The following SLC2A1 variants were observed in gnomAD, a reference collection of about 807,000 sequenced individuals.
The protein encoded by SLC2A1 is solute carrier family 2 member 1, also known as solute carrier family 2, facilitated glucose transporter member 1.
SLC2A1 carries 4 observed loss-of-function variants against 46.6 expected under a neutral mutation model. The observed-to-expected ratio is 0.09, with a 90% confidence interval of 0.04 to 0.20. SLC2A1 has a LOEUF of 0.20. Ranked by LOEUF, SLC2A1 falls within the 10% of genes least tolerant of loss-of-function variation. SLC2A1 has a pLI of 1.00. For synonymous variants in SLC2A1, 253 were observed against 270.0 expected (o/e 0.94, Z 0.62); for missense variants, 352 against 667.0 (o/e 0.53, Z 5.20).
intron 2 of SLC2A1, among the ~76,000 whole-genome samples, chr1:42,940,831 T>G (rs1040642990): frequency 2.0e-5 from 3 of 152,098 alleles, no homozygotes; most frequent in Admixed American, 6.5e-5. Flanking sequence ...TTCTCAACTT[T>G]TCTCCAGCCT....
In SLC2A1 at chr1:42,930,976, C is replaced by T; in HGVS notation, c.275+70G>A. The T allele has an allele frequency of 6.2e-7, 1 of 1,609,674 alleles. No individual in the cohort carries two copies. The highest frequency in any genetic ancestry group is 8.5e-7 in the Non-Finnish European group (1 of 1,177,940). ...CAGATAAGTCTCCCCTACCTCCCAC[C>T]CCATCTGGGACTCCCTGGGCAGGAG... On this transcript the variant is annotated intron_variant, in intron 3 of 9. Transcript: ENST00000426263. The surrounding 1 kb of genome is among the most constrained non-coding windows in gnomAD (Gnocchi z 6.2).
At chr1:42,950,407 C>G (rs1416327843) in intron 1 of SLC2A1, among the ~76,000 whole-genome samples, 1 of 152,242 alleles carries the variant, frequency 6.6e-6, no homozygotes, top group Non-Finnish European at 1.5e-5. Flanking sequence ...GCCTTCCAGG[C>G]AAAACCACAT....
chr1:42,943,848 C>T (rs540846298), intron 1 of SLC2A1, among the ~76,000 whole-genome samples: 2 of 152,342 alleles, frequency 1.3e-5, no homozygotes, highest in Admixed American at 1.3e-4. Flanking sequence ...TACCACCTCT[C>T]CCCTATCCTC....
Position 42,930,438 on chromosome 1 carries a change from C to A in SLC2A1, c.516+188G>T. The A allele has an allele frequency of 3.7e-6, 3 of 813,958 alleles. No individual in the cohort carries two copies. Among genetic ancestry groups the A allele is most frequent in the Non-Finnish European group, 6.3e-6 (3 of 475,450 alleles). 50.4% of individuals were successfully genotyped at this position (813,958 alleles called of 1,614,324 possible). A position where few individuals can be genotyped will look rare whatever the true frequency, so the allele number is the denominator to read the frequency against. On this transcript the variant is annotated intron_variant, in intron 4 of 9. Transcript: ENST00000426263. The surrounding 1 kb of genome is among the most constrained non-coding windows in gnomAD (Gnocchi z 6.2). ...TGAGAAGAAAGGGACTGAGAAGAGTCAAGTCATCTTGCTGTCAACTGGGAG... is the reference window on the plus strand; with the variant it reads ...TGAGAAGAAAGGGACTGAGAAGAGTAAAGTCATCTTGCTGTCAACTGGGAG...
At chr1:42,952,319 G>T (rs1257460143) in intron 1 of SLC2A1, 1 of 462,270 alleles carries the variant, frequency 2.2e-6, no homozygotes, top group African/African-American at 2.0e-5. Flanking sequence ...CCCCCACAGT[G>T]CTGATGACAT....
intron 2 of SLC2A1, among the ~76,000 whole-genome samples, chr1:42,940,244 G>A (rs947333264): frequency 1.4e-4 from 22 of 152,224 alleles, no homozygotes; most frequent in African/African-American, 4.3e-4. Context: ...TCACCCAATC[G>A]TAGTGAGGCT....
intron 1 of SLC2A1, among the ~76,000 whole-genome samples, chr1:42,953,481 C>T (rs778114105): frequency 3.3e-5 from 5 of 152,234 alleles, no homozygotes; most frequent in Non-Finnish European, 7.3e-5. Flanking sequence ...TGAATCTGGT[C>T]AGGAGGCCTC....
chr1:42,931,985 G>C (rs927778796), intron 2 of SLC2A1, among the ~76,000 whole-genome samples: 3 of 152,174 alleles, frequency 2.0e-5, no homozygotes, highest in Non-Finnish European at 2.9e-5. Context: ...TGACAGACAG[G>C]TTCCGCCATC....
In SLC2A1 at chr1:42,928,817, G is replaced by A. The variant is rs559748683; in HGVS notation, c.1074+115C>T. 3.9e-4 allele frequency: 349 copies of A among 894,500 alleles called. 7 individuals carry two copies. The South Asian group carries it at 4.5e-3, about 12-fold the overall frequency. The allele number at this position is 894,500 out of a possible 1,614,324, so 55.4% of individuals were successfully genotyped here. A position where few individuals can be genotyped will look rare whatever the true frequency, so the allele number is the denominator to read the frequency against. On this transcript the variant is annotated intron_variant, in intron 8 of 9. Transcript: ENST00000426263. ...AGCCAGAAAGTCAGACCCACAGCCA[G>A]GGAGAATGCAGCCACCAAAAGGCCT...
chr1:42,934,701 C>T (rs980689446), intron 2 of SLC2A1, among the ~76,000 whole-genome samples: 3 of 152,142 alleles, frequency 2.0e-5, no homozygotes, highest in African/African-American at 7.2e-5. Context: ...CAGCAGCCTC[C>T]GCAACCCTGG....
At chr1:42,948,303 G>A (rs1351203770) in intron 1 of SLC2A1, among the ~76,000 whole-genome samples, 1 of 152,148 alleles carries the variant, frequency 6.6e-6, no homozygotes, top group East Asian at 1.9e-4. Flanking sequence ...TCAGCATTGC[G>A]CTCCAGCCCC....
rs1302959508 is a variant in SLC2A1, at chr1:42,929,673, A to G, written c.787T>C (p.Phe263Leu). Residue 263 changes from phenylalanine (F) to leucine (L), a missense_variant, in exon 6 of 10, where the codon TTC becomes CTC. By Grantham distance (22) the Phe-to-Leu change is conservative. Coordinates refer to ENST00000426263, the MANE Select transcript of SLC2A1 (RefSeq NM_006516.4). The surrounding 1 kb of genome is among the most constrained non-coding windows in gnomAD (Gnocchi z 6.0). ...REKKVTILEL[F>L]RSPAYRQPIL... ...GGCTGGCGGTAGGCGGGGGAGCGGA[A>G]CAGCTCCAGGATGGTGACCTTCTTC... 1 of 1,613,626 alleles carries G rather than the reference A, an allele frequency of 6.2e-7. No individual in the cohort carries two copies. Among genetic ancestry groups the G allele is most frequent in the African/African-American group, 1.3e-5 (1 of 74,932 alleles).
chr1:42,945,108 C>T (rs1341597630), intron 1 of SLC2A1, among the ~76,000 whole-genome samples: 4 of 152,170 alleles, frequency 2.6e-5, no homozygotes, highest in Admixed American at 6.5e-5. Context: ...CACTAAACAG[C>T]GACTGCTAGG....
Position 42,926,693 on chromosome 1 carries a change from C to T in SLC2A1, c.*348G>A. 1.5e-6 allele frequency: 2 copies of T among 1,334,504 alleles called. No homozygotes were observed. Among genetic ancestry groups the T allele is most frequent in the Non-Finnish European group, 9.8e-7 (1 of 1,018,776 alleles). The allele number at this position is 1,334,504 out of a possible 1,614,324, so 82.7% of individuals were successfully genotyped here. On this transcript the variant is annotated 3_prime_UTR_variant, in exon 10 of 10. Transcript: ENST00000426263. The stretch of plus-strand genomic sequence containing the variant: ...TTAGCTGGGTGAAGAAGGCAAGTGT[C>T]TCGACAGGGCTTAGTCTCCACCCTC...
At chr1:42,946,507 T>C (rs1643657186) in intron 1 of SLC2A1, among the ~76,000 whole-genome samples, 3 of 152,106 alleles carry the variant, frequency 2.0e-5, no homozygotes, top group South Asian at 2.1e-4. Flanking sequence ...TATGAGGCAC[T>C]GTGAGAACCC....
At chr1:42,951,773 G>A in intron 1 of SLC2A1, 1 of 398,338 alleles carries the variant, frequency 2.5e-6, no homozygotes, top group South Asian at 1.3e-4. Flanking sequence ...GCTAGGCCCT[G>A]GACTGTCCAG....
chr1:42,931,268 CT>C, intron 2 of SLC2A1, 62 bp from the exon 3 acceptor site: 1 of 1,555,704 alleles, frequency 6.4e-7, no homozygotes, highest in South Asian at 1.2e-5. Context: ...CTTCCTTTTC[CT>C]TTCCCCTTGC....
At chr1:42,944,699 G>GGCCCAGGAGGAGTGTGCA (rs2124463297) in intron 1 of SLC2A1, among the ~76,000 whole-genome samples, 1 of 152,300 alleles carries the variant, frequency 6.6e-6, no homozygotes, top group Non-Finnish European at 1.5e-5. Flanking sequence ...AGAAGGCTTC[G>GGCCCAGGAGGAGTGTGCA]GCCCAGGAGG....
At chr1:42,955,303 C>G (rs558314128) in intron 1 of SLC2A1, among the ~76,000 whole-genome samples, 1 of 152,302 alleles carries the variant, frequency 6.6e-6, no homozygotes, top group African/African-American at 2.4e-5. Flanking sequence ...GGATTCAAAA[C>G]CACATATGCA....
Sources: gnomAD v4.1 joint callset for allele counts (sites outside exome capture counted in the v4.1 genomes callset) on GRCh38, gnomAD v4.1.1 for gene constraint, Gnocchi (gnomAD v3.1) non-coding constraint, MANE v1.5 for transcripts, NCBI Gene and HGNC (gene_info 2026-07-23, HGNC 2026-07-21) for gene names.